The following PXDNL variants were observed in gnomAD, a reference collection of about 807,000 sequenced individuals.
PXDNL encodes the protein probable oxidoreductase PXDNL.
In PXDNL, 145 loss-of-function variants were observed where a neutral mutation model predicts 150.8. The ratio of observed to expected loss-of-function variants is 0.96; its 90% CI spans 0.84 to 1.10. PXDNL has a LOEUF of 1.10. Ranked by LOEUF, PXDNL falls within the 50% of genes least tolerant of loss-of-function variation. The probability of loss-of-function intolerance (pLI) is 0.00; values close to 1 mark genes in which losing one functional copy is unlikely to be tolerated. For synonymous variants in PXDNL, 757 were observed against 725.7 expected (o/e 1.04, Z -0.69); for missense variants, 2,087 against 1,873.9 (o/e 1.11, Z -2.10).
intron 3 of PXDNL, among the ~76,000 whole-genome samples, chr8:51,563,137 G>A (rs566832592): frequency 1.3e-5 from 2 of 152,084 alleles, no homozygotes; most frequent in Non-Finnish European, 2.9e-5. Flanking sequence ...GAGGTCTCAT[G>A]AAGCCATATG....
intron 1 of PXDNL, among the ~76,000 whole-genome samples, chr8:51,667,876 T>C (rs1585660978): frequency 1.3e-5 from 2 of 152,188 alleles, no homozygotes; most frequent in East Asian, 3.8e-4. Flanking sequence ...ACCTTTTGTT[T>C]TAAAGGTCAG....
intron 19 of PXDNL, among the ~76,000 whole-genome samples, chr8:51,354,292 A>T (rs1029458206): frequency 1.3e-5 from 2 of 152,126 alleles, no homozygotes; most frequent in African/African-American, 4.8e-5. Context: ...ATGCTAAGTC[A>T]ATTTTATCAG....
chr8:51,416,040 T>C (rs1174660521), intron 14 of PXDNL, among the ~76,000 whole-genome samples: 1 of 152,250 alleles, frequency 6.6e-6, no homozygotes, highest in African/African-American at 2.4e-5. Flanking sequence ...TGCACTGGCA[T>C]GTATGACTTG....
chr8:51,773,729 T>C (rs1367202245), intron 1 of PXDNL, among the ~76,000 whole-genome samples: 1 of 152,250 alleles, frequency 6.6e-6, no homozygotes, highest in East Asian at 1.9e-4. Flanking sequence ...TTTAACATTC[T>C]GCTAAGAAAC....
At chr8:51,411,001 G>C (rs1255823571) in intron 16 of PXDNL, among the ~76,000 whole-genome samples, 1 of 152,128 alleles carries the variant, frequency 6.6e-6, no homozygotes, top group Non-Finnish European at 1.5e-5. Context: ...CTTAATGTAG[G>C]TTCCCTAGAT....
intron 10 of PXDNL, among the ~76,000 whole-genome samples, chr8:51,451,348 G>A (rs923736228): frequency 7.9e-5 from 12 of 152,110 alleles, no homozygotes; most frequent in Admixed American, 7.9e-4. Context: ...TTGCTAGGTC[G>A]ATGAAGAAAT....
chr8:51,330,343 C>T (rs1250448158), intron 21 of PXDNL, among the ~76,000 whole-genome samples: 1 of 151,982 alleles, frequency 6.6e-6, no homozygotes, highest in African/African-American at 2.4e-5. Context: ...AAAGAAAAAA[C>T]TGAGAATGGA....
At chr8:51,801,440 G>A (rs1585761157) in intron 1 of PXDNL, among the ~76,000 whole-genome samples, 3 of 149,400 alleles carry the variant, frequency 2.0e-5, no homozygotes, top group East Asian at 4.0e-4. Flanking sequence ...TGATCTTTGT[G>A]ACCAACTCCA....
chr8:51,427,625 A>G (rs1200806992), intron 12 of PXDNL, among the ~76,000 whole-genome samples: 1 of 152,212 alleles, frequency 6.6e-6, no homozygotes, highest in Non-Finnish European at 1.5e-5. Flanking sequence ...CATCATATTA[A>G]TGGCTAAAGA....
chr8:51,519,404 G>T (rs1811610175), intron 4 of PXDNL, among the ~76,000 whole-genome samples: 1 of 151,956 alleles, frequency 6.6e-6, no homozygotes, highest in Non-Finnish European at 1.5e-5. Flanking sequence ...GTGGTGGTGT[G>T]CGCCTATAAT....
At chr8:51,518,578 A>G (rs929635696) in intron 4 of PXDNL, among the ~76,000 whole-genome samples, 1 of 152,212 alleles carries the variant, frequency 6.6e-6, no homozygotes, top group African/African-American at 2.4e-5. Context: ...AGAGGCAGGA[A>G]CATGAGAATG....
chr8:51,752,403 A>G (rs1205149998), intron 1 of PXDNL, among the ~76,000 whole-genome samples: 3 of 152,120 alleles, frequency 2.0e-5, no homozygotes, highest in Non-Finnish European at 4.4e-5. Context: ...CGAAAGGCCT[A>G]TGCAAGACTC....
At chr8:51,679,277 A>G (rs1447665499) in intron 1 of PXDNL, among the ~76,000 whole-genome samples, 1 of 152,210 alleles carries the variant, frequency 6.6e-6, no homozygotes, top group African/African-American at 2.4e-5. Flanking sequence ...AAACCTGCTC[A>G]GAAGTCTAGG....
chr8:51,574,375 G>A (rs758524749), intron 3 of PXDNL, among the ~76,000 whole-genome samples: 5 of 151,824 alleles, frequency 3.3e-5, no homozygotes, highest in Non-Finnish European at 5.9e-5. Flanking sequence ...GAACCACAGA[G>A]AGAAGAACAT....
chr8:51,654,673 A>G lies in PXDNL; in HGVS notation c.236+16T>C, dbSNP rs1406478223. 2.5e-6 allele frequency: 4 copies of G among 1,597,646 alleles called. No individual in the cohort carries two copies. The highest frequency in any genetic ancestry group is 8.6e-7 in the Non-Finnish European group (1 of 1,166,006). ...TATAATTTTAGGAACCTTACAGATAAGCAATAAGTACTCACAGTGTGTTCA... is the reference window on the plus strand; with the variant it reads ...TATAATTTTAGGAACCTTACAGATAGGCAATAAGTACTCACAGTGTGTTCA... On this transcript the variant is annotated intron_variant, in intron 2 of 22. Transcript: ENST00000356297.
At chr8:51,393,164 T>C (rs1807965076) in intron 17 of PXDNL, among the ~76,000 whole-genome samples, 1 of 152,212 alleles carries the variant, frequency 6.6e-6, no homozygotes, top group African/African-American at 2.4e-5. Context: ...TTAGAGAATG[T>C]TTTTTCTTTA....
At position 51,417,358 on chromosome 8, in the gene PXDNL, G is replaced by T. The variant is rs1808826481; in HGVS notation, c.1796-4100C>A. On this transcript the variant is annotated intron_variant, in intron 14 of 22. Coordinates refer to ENST00000356297, the MANE Select transcript of PXDNL (RefSeq NM_144651.5). ...GCAATCCTATCCCTGCATCTATGAG[G>T]CTATCACTACTATTGATGGTAAAAT... Among the ~76,000 whole-genome samples the T allele has an allele frequency of 2.0e-5, 3 of 152,140 alleles. No individual in the cohort carries two copies. In the South Asian group the frequency reaches 6.2e-4, roughly 31 times the overall value.
At chr8:51,463,421 G>A (rs550494355) in intron 8 of PXDNL, among the ~76,000 whole-genome samples, 1 of 152,232 alleles carries the variant, frequency 6.6e-6, no homozygotes, top group South Asian at 2.1e-4. Context: ...CAAAGTAAAA[G>A]GATGGAGAAA....
At chr8:51,692,321 A>C (rs1816021613) in intron 1 of PXDNL, among the ~76,000 whole-genome samples, 1 of 133,914 alleles carries the variant, frequency 7.5e-6, no homozygotes. Context: ...ACAACTATTA[A>C]ATTATTTGAA....
Sources: gnomAD v4.1 joint callset for allele counts (sites outside exome capture counted in the v4.1 genomes callset) on GRCh38, gnomAD v4.1.1 for gene constraint, MANE v1.5 for transcripts, NCBI Gene and HGNC (gene_info 2026-07-23, HGNC 2026-07-21) for gene names.